Variants in ARHGAP35 observed in about 807,000 individuals in gnomAD.
The protein encoded by ARHGAP35 is rho GTPase-activating protein 35.
In ARHGAP35, 15 loss-of-function variants were observed where a neutral mutation model predicts 111.1. The observed-to-expected ratio is 0.13, with a 90% CI of 0.09 to 0.21. The LOEUF is 0.21. ARHGAP35 is among the 10% of genes least tolerant of loss of function. ARHGAP35 has a pLI of 1.00. For synonymous variants in ARHGAP35, 643 were observed against 710.3 expected (o/e 0.91, Z 1.51); for missense variants, 1,262 against 1,873.0 (o/e 0.67, Z 6.02).
chr19:46,861,369 GCCGTCC>G (rs1488269334), intron 1 of ARHGAP35, among the ~76,000 whole-genome samples, 160 bp downstream of exon 1: 1 of 105,384 alleles, frequency 9.5e-6, no homozygotes, highest in Non-Finnish European at 1.9e-5. Flanking sequence ...CCCGGGCCCC[GCCGTCC>G]CCGTCGCTTC....
At chr19:46,886,396 TTTTTC>T (rs926230651) in intron 1 of ARHGAP35, among the ~76,000 whole-genome samples, 2 of 152,158 alleles carry the variant, frequency 1.3e-5, no homozygotes, top group Non-Finnish European at 2.9e-5. Context: ...GGAGGTTTTT[TTTTTC>T]TTTTCTTTTT....
intron 3 of ARHGAP35, among the ~76,000 whole-genome samples, chr19:46,977,927 C>T (rs993445540): frequency 1.3e-5 from 2 of 152,190 alleles, no homozygotes; most frequent in African/African-American, 4.8e-5. Context: ...GCCGGCACTG[C>T]GTAAATGTAA....
intron 2 of ARHGAP35, among the ~76,000 whole-genome samples, chr19:46,935,962 A>G (rs935751351): frequency 6.6e-6 from 1 of 152,262 alleles, no homozygotes; most frequent in Non-Finnish European, 1.5e-5. Flanking sequence ...GAATCCAAGC[A>G]GTCACTTAGT....
At chr19:46,951,082 C>A (rs2056410021) in intron 3 of ARHGAP35, among the ~76,000 whole-genome samples, 1 of 152,236 alleles carries the variant, frequency 6.6e-6, no homozygotes, top group African/African-American at 2.4e-5. Flanking sequence ...ACCCTCAGCT[C>A]CTCAGCTGCA....
intron 1 of ARHGAP35, among the ~76,000 whole-genome samples, chr19:46,862,341 C>G (rs1353999553): frequency 1.3e-5 from 2 of 152,148 alleles, no homozygotes; most frequent in African/African-American, 4.8e-5. Flanking sequence ...TTTTGGCACT[C>G]CTCTGAGCTA....
rs1324454897 is a variant in ARHGAP35, at chr19:46,919,000, C to T, written c.325C>T (p.Arg109Ter). Residue 109 changes from arginine to a stop codon, truncating the protein, a stop_gained, in exon 2 of 7, where the codon CGA (arginine) becomes TGA (stop). Coordinates refer to ENST00000672722, the MANE Select transcript of ARHGAP35 (RefSeq NM_004491.5). LOFTEE classifies it high-confidence loss of function. This position sits in a 1 kb window ranked among gnomAD's most constrained non-coding sequence, Gnocchi z 5.4. ...TGATGATCAGACTTTTCAACCTCAT[C>T]GAAGCACGGCCCTGCAGCCCTATAT... is the stretch of plus-strand genomic sequence containing the variant. ...FIDDQTFQPH[R>*]STALQPYIKR... 1 of 1,613,850 alleles carries T rather than the reference C, an allele frequency of 6.2e-7. No individual in the cohort carries two copies. Among genetic ancestry groups the T allele is most frequent in the East Asian group, 2.2e-5 (1 of 44,896 alleles).
intron 1 of ARHGAP35, among the ~76,000 whole-genome samples, chr19:46,868,552 T>G (rs560821495): frequency 2.2e-4 from 33 of 152,342 alleles, no homozygotes; most frequent in African/African-American, 7.2e-4. Context: ...AAGTACCAGC[T>G]TGCCTTTTTA....
At chr19:46,930,711 C>T (rs2056268041) in intron 2 of ARHGAP35, among the ~76,000 whole-genome samples, 2 of 151,424 alleles carry the variant, frequency 1.3e-5, no homozygotes, top group South Asian at 4.2e-4. Flanking sequence ...AAGTAGCCCT[C>T]CCTGCTGTTC....
chr19:46,901,163 A>C lies in ARHGAP35; in HGVS notation c.-188-17325A>C, dbSNP rs557511323. ...TGAATGGGCGAATGAGAATAAATAA[A>C]TGAGGGCATCCAGGGAACCCAAGGA... On this transcript the variant is annotated intron_variant, in intron 1 of 6. Transcript: ENST00000672722. This position sits in a 1 kb window ranked among gnomAD's most constrained non-coding sequence, Gnocchi z 4.5. Among the ~76,000 whole-genome samples the C allele has an allele frequency of 6.6e-6, 1 of 152,334 alleles. No individual in the cohort carries two copies. Among genetic ancestry groups the C allele is most frequent in the Non-Finnish European group, 1.5e-5 (1 of 68,042 alleles).
chr19:46,989,818 G>A lies in ARHGAP35; in HGVS notation c.4036+143G>A, dbSNP rs2056670309. On this transcript the variant is annotated intron_variant, in intron 5 of 6. Coordinates refer to ENST00000672722, the MANE Select transcript of ARHGAP35 (RefSeq NM_004491.5). This position sits in a 1 kb window ranked among gnomAD's most constrained non-coding sequence, Gnocchi z 5.3. ...GGGCAAGGGAATTAACCAGATGACA[G>A]CAATGGGACTTGCAAATCGGGCTCC... The A allele has an allele frequency of 7.3e-7, 1 of 1,368,684 alleles. No individual in the cohort carries two copies. The highest frequency in any genetic ancestry group is 2.4e-5 in the East Asian group (1 of 42,290). 84.8% of individuals were successfully genotyped at this position (1,368,684 alleles called of 1,614,324 possible).
intron 1 of ARHGAP35, among the ~76,000 whole-genome samples, chr19:46,872,421 A>T (rs1029104688): frequency 6.6e-6 from 1 of 151,610 alleles, no homozygotes; most frequent in African/African-American, 2.4e-5. Context: ...AAAAGATTAA[A>T]CAAGTTTTTT....
At chr19:46,894,571 G>A (rs575179279) in intron 1 of ARHGAP35, among the ~76,000 whole-genome samples, 5 of 150,464 alleles carry the variant, frequency 3.3e-5, no homozygotes, top group South Asian at 2.1e-4. Flanking sequence ...TCAGCCTCTC[G>A]AGTAGCTGGG....
Position 46,920,413 on chromosome 19 carries a change from C to A in ARHGAP35, c.1738C>A (p.Arg580=), listed in dbSNP as rs551334120. ...GCACTTGATTAGTTCTCGGTTTATCCGGCCGTCTGACCGGAATCAGAAAAA... is the reference window on the plus strand; with the variant it reads ...GCACTTGATTAGTTCTCGGTTTATCAGGCCGTCTGACCGGAATCAGAAAAA... ...IEHLISSRFI[R]PSDRNQKNSL... Residue 580 remains arginine, a synonymous_variant, in exon 2 of 7, where the codon CGG becomes AGG. Transcript: ENST00000672722. This position sits in a 1 kb window ranked among gnomAD's most constrained non-coding sequence, Gnocchi z 7.0. 5 of 1,613,830 alleles carry A rather than the reference C, an allele frequency of 3.1e-6. No individual in the cohort carries two copies. The highest frequency in any genetic ancestry group is 4.2e-6 in the Non-Finnish European group (5 of 1,179,754).
At chr19:46,941,189 C>G (rs915320678) in intron 3 of ARHGAP35, among the ~76,000 whole-genome samples, 3 of 152,168 alleles carry the variant, frequency 2.0e-5, no homozygotes, top group Non-Finnish European at 2.9e-5. Context: ...CTTAGTATTT[C>G]TTTGCCTTAG....
chr19:46,985,751 C>A (rs1324831882), intron 3 of ARHGAP35, among the ~76,000 whole-genome samples: 1 of 152,082 alleles, frequency 6.6e-6, no homozygotes, highest in Non-Finnish European at 1.5e-5. Flanking sequence ...TGTAACTAGG[C>A]GTTGCTTGGT....
rs371111690 is a variant in ARHGAP35 at position 46,922,204 on chromosome 19, G to C, written c.3529G>C (p.Val1177Leu). ...TGCTAGTTACCGGACCAGCTTCAGCGTGGGGAGTGATGATGAGCTGGGGCC... is the reference window on the plus strand; with the variant it reads ...TGCTAGTTACCGGACCAGCTTCAGCCTGGGGAGTGATGATGAGCTGGGGCC... ...RFASYRTSFSVGSDDELGPIR... is the reference protein window; with the variant it reads ...RFASYRTSFSLGSDDELGPIR... The change falls in exon 2 of 7, where the codon GTG becomes CTG. Residue 1177 changes from valine (V) to leucine (L), a missense_variant. By Grantham distance (32) the Val-to-Leu change is conservative (BLOSUM62 1). Around this residue, in one of 8 missense-constraint regions of ARHGAP35, gnomAD observed 579 missense variants for 716.9 expected, o/e 0.81. Coordinates refer to ENST00000672722, the MANE Select transcript of ARHGAP35 (RefSeq NM_004491.5). The surrounding 1 kb of genome is among the most constrained non-coding windows in gnomAD (Gnocchi z 4.0). The C allele has an allele frequency of 1.2e-6, 2 of 1,614,024 alleles. No homozygotes were observed. The highest frequency in any genetic ancestry group is 3.3e-5 in the Admixed American group (2 of 60,022).
At chr19:46,954,313 G>T (rs1350560434) in intron 3 of ARHGAP35, among the ~76,000 whole-genome samples, 1 of 152,200 alleles carries the variant, frequency 6.6e-6, no homozygotes, top group Non-Finnish European at 1.5e-5. Flanking sequence ...TAAGGCAGGG[G>T]CCCCTTCTTT....
intron 1 of ARHGAP35, among the ~76,000 whole-genome samples, chr19:46,865,352 A>G (rs1255044021): frequency 6.6e-6 from 1 of 152,190 alleles, no homozygotes; most frequent in Non-Finnish European, 1.5e-5. Context: ...CTTGTTTTCA[A>G]CTAACCTCTT....
At chr19:46,991,050 C>T (rs1432259434) in intron 5 of ARHGAP35, among the ~76,000 whole-genome samples, 1 of 152,160 alleles carries the variant, frequency 6.6e-6, no homozygotes, top group Admixed American at 6.5e-5. Flanking sequence ...TTTCTGAAGA[C>T]GGGAGTCAGG....
Sources: allele counts gnomAD v4.1 joint callset (sites outside exome capture counted in the v4.1 genomes callset), GRCh38; gene constraint gnomAD v4.1.1; regional missense constraint gnomAD v4.1.1; non-coding constraint Gnocchi (gnomAD v3.1); transcripts MANE v1.5; gene names NCBI Gene and HGNC (gene_info 2026-07-23, HGNC 2026-07-21).